The following ATP6V0C variants were observed in gnomAD, a reference collection of about 807,000 sequenced individuals.
ATP6V0C encodes ATPase H+ transporting V0 subunit c, also known as V-type proton ATPase 16 kDa proteolipid subunit c.
Under a neutral mutation model 10.6 loss-of-function variants are expected in ATP6V0C, and 2 were observed. The observed-to-expected ratio is 0.19, with a 90% CI of 0.08 to 0.59. The LOEUF is 0.59. Ranked by LOEUF, ATP6V0C falls within the 20% of genes least tolerant of loss-of-function variation. The pLI, the probability that ATP6V0C is intolerant of heterozygous loss-of-function variation, is 0.90. For synonymous variants in ATP6V0C, 128 were observed against 101.3 expected (o/e 1.26, Z -1.59); for missense variants, 89 against 225.9 (o/e 0.39, Z 3.88).
chr16:2,515,054 C>T (rs969155280), intron 1 of ATP6V0C, among the ~76,000 whole-genome samples: 1 of 152,024 alleles, frequency 6.6e-6, no homozygotes, highest in Non-Finnish European at 1.5e-5. Flanking sequence ...ACCTTCCTTT[C>T]CCTCCCTGAG....
intron 1 of ATP6V0C, among the ~76,000 whole-genome samples, chr16:2,514,706 G>A (rs1393887340): frequency 6.6e-6 from 1 of 152,204 alleles, no homozygotes; most frequent in Non-Finnish European, 1.5e-5. Flanking sequence ...ATGGCGGCCG[G>A]CCCCGAGGGT....
rs973992970 is a variant in ATP6V0C at position 2,520,164 on chromosome 16, C to T, written c.*419C>T. On this transcript the variant is annotated 3_prime_UTR_variant, in exon 3 of 3. Transcript: ENST00000330398. ...GACTTCCTGGATGGAGCCGCCCTCA[C>T]CGCCGGGCCCGTGGCCCTGCGCGGA... The T allele has an allele frequency of 9.5e-6, 5 of 527,558 alleles. No homozygotes were observed. The highest frequency in any genetic ancestry group is 5.2e-4 in the Middle Eastern group (1 of 1,916). 32.7% of individuals were successfully genotyped at this position (527,558 alleles called of 1,614,324 possible).
chr16:2,519,537 C>T lies in ATP6V0C; in HGVS notation c.264-4C>T. ...TGATGTCAGTCCTCTCTTCTCGCCCCCAGGAGCTTCCTCCAGCTGGGCGCC... is the reference window on the plus strand; with the variant it reads ...TGATGTCAGTCCTCTCTTCTCGCCCTCAGGAGCTTCCTCCAGCTGGGCGCC... On this transcript the variant is annotated splice_region_variant and splice_polypyrimidine_tract_variant and intron_variant, in intron 2 of 2. Coordinates refer to ENST00000330398, the MANE Select transcript of ATP6V0C (RefSeq NM_001694.4). The T allele has an allele frequency of 6.5e-7, 1 of 1,545,956 alleles. No homozygotes were observed. The highest frequency in any genetic ancestry group is 8.7e-7 in the Non-Finnish European group (1 of 1,143,448).
At chr16:2,515,276 ACTGGC>A (rs1403919734) in intron 1 of ATP6V0C, among the ~76,000 whole-genome samples, 3 of 152,234 alleles carry the variant, frequency 2.0e-5, no homozygotes, top group Non-Finnish European at 4.4e-5. Context: ...GCCTCCGTGG[ACTGGC>A]CTGGCCTGGT....
Position 2,519,824 on chromosome 16 carries a change from T to C in ATP6V0C, c.*79T>C. The C allele has an allele frequency of 1.3e-6, 2 of 1,550,998 alleles. No individual in the cohort carries two copies. The highest frequency in any genetic ancestry group is 1.7e-5 in the Admixed American group (1 of 57,948). ...ATTCCAGAACGAACAGCCTGACACA[T>C]ACGCACGGGGCCGCCGCCCCCAGTA... On this transcript the variant is annotated 3_prime_UTR_variant, in exon 3 of 3. Transcript: ENST00000330398.
At chr16:2,515,672 C>T (rs1194694277) in intron 1 of ATP6V0C, among the ~76,000 whole-genome samples, 1 of 152,132 alleles carries the variant, frequency 6.6e-6, no homozygotes, top group African/African-American at 2.4e-5. Flanking sequence ...TGTTCTTTGC[C>T]CTCAGAATGC....
rs2065900771 is a variant in ATP6V0C at position 2,519,877 on chromosome 16, A to C, written c.*132A>C. On this transcript the variant is annotated 3_prime_UTR_variant, in exon 3 of 3. Transcript: ENST00000330398. ...TGGTCTTGTACATGCGCAGTGTCCT[A>C]GTGCCCATCGTCTGTTTCCCCGGCC... The C allele has an allele frequency of 8.1e-7, 1 of 1,237,866 alleles. No homozygotes were observed. Among genetic ancestry groups the C allele is most frequent in the African/African-American group, 1.5e-5 (1 of 67,094 alleles). The allele number at this position is 1,237,866 out of a possible 1,614,324, so 76.7% of individuals were successfully genotyped here.
At chr16:2,514,211 G>A in intron 1 of ATP6V0C, 29 bp downstream of exon 1, 9 of 1,526,266 alleles carry the variant, frequency 5.9e-6, no homozygotes, top group Middle Eastern at 2.0e-4. Flanking sequence ...GGGACTCGGG[G>A]GCGGGGGCGC....
At chr16:2,519,511 C>T in intron 2 of ATP6V0C, 30 bp from the exon 3 acceptor site, 1 of 1,543,526 alleles carries the variant, frequency 6.5e-7, no homozygotes, top group Non-Finnish European at 8.8e-7. Flanking sequence ...TGGCAGGCTG[C>T]TGATGTCAGT....
rs2065902539 is a variant in ATP6V0C, at chr16:2,519,987, C to T, written c.*242C>T. ...CCGGCGCCCCACCCCCTAGAGTGCTCTGTGTATGCGGATGATTTAGAATTG... is the reference window on the plus strand; with the variant it reads ...CCGGCGCCCCACCCCCTAGAGTGCTTTGTGTATGCGGATGATTTAGAATTG... On this transcript the variant is annotated 3_prime_UTR_variant, in exon 3 of 3. Coordinates refer to ENST00000330398, the MANE Select transcript of ATP6V0C (RefSeq NM_001694.4). 3 of 698,350 alleles carry T rather than the reference C, an allele frequency of 4.3e-6. No individual in the cohort carries two copies. The highest frequency in any genetic ancestry group is 3.5e-5 in the African/African-American group (2 of 56,972). 43.3% of individuals were successfully genotyped at this position (698,350 alleles called of 1,614,324 possible).
Position 2,514,004 on chromosome 16 carries a change from C to A in ATP6V0C, c.-100C>A. The A allele has an allele frequency of 8.8e-7, 1 of 1,132,624 alleles. No individual in the cohort carries two copies. The highest frequency in any genetic ancestry group is 2.6e-5 in the Admixed American group (1 of 37,824). 70.2% of individuals were successfully genotyped at this position (1,132,624 alleles called of 1,614,324 possible). A position where few individuals can be genotyped will look rare whatever the true frequency, so the allele number is the denominator to read the frequency against. On this transcript the variant is annotated 5_prime_UTR_variant, in exon 1 of 3. Transcript: ENST00000330398. ...AGCGGCTGACGGGCCGGATCGCCTTCGCCGCCGCCCGCCCGCAAACCTTCG... is the reference window on the plus strand; with the variant it reads ...AGCGGCTGACGGGCCGGATCGCCTTAGCCGCCGCCCGCCCGCAAACCTTCG...
At chr16:2,515,285 G>A (rs1475965803) in intron 1 of ATP6V0C, among the ~76,000 whole-genome samples, 1 of 152,176 alleles carries the variant, frequency 6.6e-6, no homozygotes, top group Non-Finnish European at 1.5e-5. Context: ...GACTGGCCTG[G>A]CCTGGTCTGA....
At position 2,514,701 on chromosome 16, in the gene ATP6V0C, G is replaced by A. The variant is rs2065868477; in HGVS notation, c.79+519G>A. Among the ~76,000 whole-genome samples, 4 of 152,216 alleles carry A rather than the reference G, an allele frequency of 2.6e-5. No homozygotes were observed. The South Asian group carries it at 8.3e-4, about 32-fold the overall frequency. The stretch of plus-strand genomic sequence containing the variant: ...GGTCCTCAGCCCTCGCCCTTATGGC[G>A]GCCGGCCCCGAGGGTCAGGTGGGTC... On this transcript the variant is annotated intron_variant, in intron 1 of 2. Coordinates refer to ENST00000330398, the MANE Select transcript of ATP6V0C (RefSeq NM_001694.4).
chr16:2,518,639 G>C (rs1464493894), intron 1 of ATP6V0C, among the ~76,000 whole-genome samples: 1 of 152,174 alleles, frequency 6.6e-6, no homozygotes, highest in African/African-American at 2.4e-5. Flanking sequence ...CAGAATGTTT[G>C]GCCCTCCTAG....
chr16:2,514,295 G>T, intron 1 of ATP6V0C, 113 bp downstream of exon 1: 2 of 1,194,606 alleles, frequency 1.7e-6, no homozygotes, highest in South Asian at 1.8e-5. Flanking sequence ...GAGCTGTCGG[G>T]GGCGCCCGGG....
At chr16:2,517,771 C>CT in intron 1 of ATP6V0C, 1 of 149,018 alleles carries the variant, frequency 6.7e-6, no homozygotes. Flanking sequence ...GAGATTCACT[C>CT]TTGTTGTTTG....
Position 2,519,700 on chromosome 16 carries a change from C to G in ATP6V0C, c.423C>G (p.Leu141=). The G allele has an allele frequency of 6.2e-7, 1 of 1,611,516 alleles. No individual in the cohort carries two copies. ...MILILIFAEV[L]GLYGLIVALI... Reference sequence around the variant, plus strand: ...TGATTCTCATCTTCGCCGAGGTGCTCGGCCTCTACGGTCTCATCGTCGCCC... The same window carrying G: ...TGATTCTCATCTTCGCCGAGGTGCTGGGCCTCTACGGTCTCATCGTCGCCC... The change falls in exon 3 of 3, where the codon CTC becomes CTG. Residue 141 remains leucine, a synonymous_variant. Coordinates refer to ENST00000330398, the MANE Select transcript of ATP6V0C (RefSeq NM_001694.4).
At chr16:2,514,632 G>A (rs1019527295) in intron 1 of ATP6V0C, among the ~76,000 whole-genome samples, 28 of 152,174 alleles carry the variant, frequency 1.8e-4, no homozygotes, top group African/African-American at 6.3e-4. Flanking sequence ...CCAGCCGGTC[G>A]CTGGAGCTTT....
chr16:2,514,285 G>A, intron 1 of ATP6V0C, 103 bp downstream of exon 1: 1 of 1,279,156 alleles, frequency 7.8e-7, no homozygotes. Context: ...ACGTAATCCC[G>A]AGCTGTCGGG....
Sources: allele counts gnomAD v4.1 joint callset (sites outside exome capture counted in the v4.1 genomes callset), GRCh38; gene constraint gnomAD v4.1.1; transcripts MANE v1.5; gene names NCBI Gene and HGNC (gene_info 2026-07-23, HGNC 2026-07-21).